Variants in GRID2 observed in about 807,000 individuals in gnomAD.
GRID2 encodes the protein glutamate ionotropic receptor delta type subunit 2.
In GRID2, 33 loss-of-function variants were observed where a neutral mutation model predicts 114.8. The ratio of observed to expected loss-of-function variants is 0.29; its 90% CI spans 0.22 to 0.38. The LOEUF is 0.38. Ranked by LOEUF, GRID2 falls within the 10% of genes least tolerant of loss-of-function variation. The pLI, the probability that GRID2 is intolerant of heterozygous loss-of-function variation, is 1.00. For synonymous variants in GRID2, 505 were observed against 449.9 expected (o/e 1.12, Z -1.55); for missense variants, 1,184 against 1,257.7 (o/e 0.94, Z 0.89).
At chr4:93,448,733 T>C (rs1343498990) in intron 10 of GRID2, among the ~76,000 whole-genome samples, 2 of 151,312 alleles carry the variant, frequency 1.3e-5, no homozygotes, top group African/African-American at 4.9e-5. Flanking sequence ...ATAAAAATAC[T>C]ATATATCAGA....
At chr4:93,290,872 CTTTTTTTTTTTTTT>C (rs56735687) in intron 8 of GRID2, among the ~76,000 whole-genome samples, 1 of 88,530 alleles carries the variant, frequency 1.1e-5, no homozygotes, top group South Asian at 4.3e-4. Context: ...ATACAAGTTA[CTTTTTTTTTTTTTT>C]TTTTTTTTTG....
At chr4:93,533,746 C>T (rs1731742213) in intron 13 of GRID2, among the ~76,000 whole-genome samples, 1 of 151,730 alleles carries the variant, frequency 6.6e-6, no homozygotes, top group South Asian at 2.1e-4. Context: ...CCATTATTAC[C>T]CTGGTCCAAG....
intron 13 of GRID2, among the ~76,000 whole-genome samples, chr4:93,541,543 T>C (rs2149527977): frequency 6.6e-6 from 1 of 152,280 alleles, no homozygotes; most frequent in Non-Finnish European, 1.5e-5. Context: ...TTGGTTCCAC[T>C]TAATTGTAAA....
chr4:93,183,763 C>G (rs1326451926), intron 4 of GRID2, among the ~76,000 whole-genome samples: 1 of 152,158 alleles, frequency 6.6e-6, no homozygotes, highest in Non-Finnish European at 1.5e-5. Context: ...ATCAGTAAAT[C>G]CATGTTACCA....
chr4:92,363,820 T>A (rs1243472373), intron 1 of GRID2, among the ~76,000 whole-genome samples: 2 of 96,782 alleles, frequency 2.1e-5, no homozygotes, highest in Non-Finnish European at 4.0e-5. Context: ...TTAAGTTTAC[T>A]TTTTTTTTTT....
Position 93,656,978 on chromosome 4 carries a change from T to C in GRID2, c.2360+30543T>C, listed in dbSNP as rs75295216. On this transcript the variant is annotated intron_variant, in intron 14 of 15. Transcript: ENST00000282020. ...CACATGAGTTTGTTTTTTCAGGTAGTTTTAACAGTGTGATAAGATGGTTTA... is the reference window on the plus strand; with the variant it reads ...CACATGAGTTTGTTTTTTCAGGTAGCTTTAACAGTGTGATAAGATGGTTTA... Among the ~76,000 whole-genome samples, 961 of 152,044 alleles carry C rather than the reference T, an allele frequency of 6.3e-3. 13 individuals carry two copies. Among genetic ancestry groups the C allele is most frequent in the African/African-American group, 0.021 (890 of 41,466 alleles).
chr4:92,615,094 A>G (rs1281983324), intron 2 of GRID2, among the ~76,000 whole-genome samples: 1 of 151,618 alleles, frequency 6.6e-6, no homozygotes, highest in African/African-American at 2.4e-5. Flanking sequence ...TCTGGAGACT[A>G]AAAGTCCAAG....
chr4:93,046,919 A>G (rs1726194661), intron 2 of GRID2, among the ~76,000 whole-genome samples: 1 of 151,836 alleles, frequency 6.6e-6, no homozygotes, highest in Non-Finnish European at 1.5e-5. Flanking sequence ...TTATGTGGCT[A>G]CTCCTATCTC....
chr4:92,916,112 C>G (rs1387636786), intron 2 of GRID2, among the ~76,000 whole-genome samples: 1 of 152,004 alleles, frequency 6.6e-6, no homozygotes, highest in Non-Finnish European at 1.5e-5. Context: ...GTTGCAACTG[C>G]TTTTGGTGTC....
intron 1 of GRID2, among the ~76,000 whole-genome samples, chr4:92,578,262 T>TC (rs1281532863): frequency 7.4e-5 from 5 of 67,802 alleles, no homozygotes; most frequent in African/African-American, 3.1e-4. Flanking sequence ...ATGCTATCCC[T>TC]CCCCCCTCCC....
intron 1 of GRID2, among the ~76,000 whole-genome samples, chr4:92,472,306 A>G (rs1036758836): frequency 2.0e-5 from 3 of 152,108 alleles, no homozygotes; most frequent in Non-Finnish European, 4.4e-5. Flanking sequence ...GGATGGCTAT[A>G]CTATGATTTG....
At chr4:93,135,010 G>C (rs1403182716) in intron 4 of GRID2, among the ~76,000 whole-genome samples, 1 of 152,110 alleles carries the variant, frequency 6.6e-6, no homozygotes, top group African/African-American at 2.4e-5. Flanking sequence ...AATATCTAAA[G>C]TGGGGGTTTA....
intron 8 of GRID2, among the ~76,000 whole-genome samples, chr4:93,267,084 AGT>A (rs1579483234): frequency 1.3e-5 from 2 of 151,376 alleles, no homozygotes; most frequent in African/African-American, 4.9e-5. Context: ...AATGGCTTCC[AGT>A]TTCATCCATG....
intron 3 of GRID2, among the ~76,000 whole-genome samples, chr4:93,091,764 A>G (rs1264633798): frequency 6.6e-6 from 1 of 152,162 alleles, no homozygotes; most frequent in Non-Finnish European, 1.5e-5. Context: ...TGTCCTCACA[A>G]AGTGCTCATT....
rs566930964 is a variant in GRID2 at position 93,252,320 on chromosome 4, G to C, written c.1245+13830G>C. Among the ~76,000 whole-genome samples, 12 of 141,438 alleles carry C rather than the reference G, an allele frequency of 8.5e-5. No homozygotes were observed. The East Asian group carries it at 1.9e-3, about 22-fold the overall frequency. The allele number at this position is 141,438 out of a possible 152,430, so 92.8% of individuals were successfully genotyped here. A position where few individuals can be genotyped will look rare whatever the true frequency, so the allele number is the denominator to read the frequency against. ...ATTTCAGCACCTTTTATTGAATAGG[G>C]AATCCTTCATTTTTTTTTTTTTTTT... On this transcript the variant is annotated intron_variant, in intron 8 of 15. Transcript: ENST00000282020.
At chr4:92,916,351 G>A (rs1020165725) in intron 2 of GRID2, among the ~76,000 whole-genome samples, 4 of 151,830 alleles carry the variant, frequency 2.6e-5, no homozygotes, top group Non-Finnish European at 5.9e-5. Context: ...TGTAATTTTA[G>A]AGAAACCGAC....
At position 93,524,785 on chromosome 4, in the gene GRID2, G is replaced by A. The variant is rs4541472; in HGVS notation, c.2193+9374G>A. On this transcript the variant is annotated intron_variant, in intron 13 of 15. Transcript: ENST00000282020. ...CAAGAAAAAATATATGTATGTATGT[G>A]TATATATATATATATATATATATAT... is the stretch of plus-strand genomic sequence containing the variant. Among the ~76,000 whole-genome samples, 276 of 87,286 alleles carry A rather than the reference G, an allele frequency of 3.2e-3. 10 individuals are homozygous for A. The highest frequency in any genetic ancestry group is 4.3e-3 in the East Asian group (12 of 2,800). The allele number at this position is 87,286 out of a possible 152,430, so 57.3% of individuals were successfully genotyped here. A position where few individuals can be genotyped will look rare whatever the true frequency, so the allele number is the denominator to read the frequency against.
chr4:93,571,020 T>C (rs1735882626), intron 13 of GRID2, among the ~76,000 whole-genome samples: 2 of 152,284 alleles, frequency 1.3e-5, no homozygotes, highest in South Asian at 4.1e-4. Flanking sequence ...TTATAAAACA[T>C]AGAGAGCGAG....
At chr4:93,064,304 A>AT (rs1728072631) in intron 2 of GRID2, among the ~76,000 whole-genome samples, 1 of 151,428 alleles carries the variant, frequency 6.6e-6, no homozygotes. Flanking sequence ...TCTCCTATGC[A>AT]TTTTCTTTTT....
Sources: allele counts gnomAD v4.1 joint callset (sites outside exome capture counted in the v4.1 genomes callset), GRCh38; gene constraint gnomAD v4.1.1; transcripts MANE v1.5; gene names NCBI Gene and HGNC (gene_info 2026-07-23, HGNC 2026-07-21).